The following DNAJC16 variants were observed in gnomAD, a reference collection of about 807,000 sequenced individuals.
DNAJC16 encodes dnaJ homolog subfamily C member 16.
In DNAJC16, 76 loss-of-function variants were observed where a neutral mutation model predicts 92.7. The ratio of observed to expected loss-of-function variants is 0.82; its 90% CI spans 0.68 to 0.99. DNAJC16 has a LOEUF of 0.99. Among genes scored for constraint, DNAJC16 ranks in the 50% least tolerant of loss-of-function variants. DNAJC16 has a pLI of 0.00. For missense variants in DNAJC16, 869 were observed against 942.4 expected (o/e 0.92, Z 1.02); for synonymous variants, 328 against 358.7 (o/e 0.91, Z 0.97).
chr1:15,538,489 A>T (rs1392100213), intron 4 of DNAJC16, among the ~76,000 whole-genome samples: 1 of 152,074 alleles, frequency 6.6e-6, no homozygotes, highest in African/African-American at 2.4e-5. Context: ...AGGCCAAGGC[A>T]GGCGGATCAC....
chr1:15,541,976 G>A (rs942534097), intron 4 of DNAJC16, among the ~76,000 whole-genome samples: 1 of 152,144 alleles, frequency 6.6e-6, no homozygotes, highest in African/African-American at 2.4e-5. Context: ...CAGGATGGGA[G>A]CATCTTTTGT....
Position 15,544,400 on chromosome 1 carries a change from T to A in DNAJC16, c.576T>A (p.Gly192=), listed in dbSNP as rs1192449972. ...KEVIQELEEL[G]VGIGVVHAGY... ...ATTTGGATCTTCCATTCTTTTCAGG[T>A]GTAGGAATTGGCGTGGTCCATGCTG... Residue 192 remains glycine (G), a splice_region_variant and synonymous_variant, in exon 5 of 15, where the codon GGT becomes GGA. Transcript: ENST00000375847. The A allele has an allele frequency of 6.2e-7, 1 of 1,608,076 alleles. No individual in the cohort carries two copies. The highest frequency in any genetic ancestry group is 1.3e-5 in the African/African-American group (1 of 74,824).
chr1:15,541,386 G>A (rs1710928228), intron 4 of DNAJC16, among the ~76,000 whole-genome samples: 1 of 152,130 alleles, frequency 6.6e-6, no homozygotes, highest in Non-Finnish European at 1.5e-5. Flanking sequence ...CTCTAGAGAA[G>A]AGCCAAGAAT....
intron 3 of DNAJC16, among the ~76,000 whole-genome samples, chr1:15,534,595 C>T (rs966209453): frequency 2.0e-5 from 3 of 152,134 alleles, no homozygotes; most frequent in South Asian, 2.1e-4. Context: ...CGTGGTGGCA[C>T]GTGCCTGTAA....
chr1:15,567,045 A>G, intron 13 of DNAJC16, 54 bp from the exon 14 acceptor site: 1 of 1,531,802 alleles, frequency 6.5e-7, no homozygotes. Context: ...TTTTCAAAGT[A>G]ACGGCTTTCC....
At chr1:15,567,737 T>A (rs779569394) in intron 14 of DNAJC16, 41 bp from the exon 15 acceptor site, 1 of 1,565,736 alleles carries the variant, frequency 6.4e-7, no homozygotes, top group South Asian at 1.2e-5. Context: ...ATTAAATGTG[T>A]CAGGAAATGC....
intron 4 of DNAJC16, among the ~76,000 whole-genome samples, chr1:15,540,463 A>T (rs1361208931): frequency 6.6e-6 from 1 of 152,114 alleles, no homozygotes; most frequent in Non-Finnish European, 1.5e-5. Flanking sequence ...ACTTTTTTTT[A>T]GACTCATCAC....
intron 5 of DNAJC16, among the ~76,000 whole-genome samples, chr1:15,546,505 A>G (rs567328308): frequency 6.6e-6 from 1 of 152,352 alleles, no homozygotes; most frequent in East Asian, 1.9e-4. Context: ...CCAACTCTGG[A>G]AGCTCAGTTT....
chr1:15,545,308 C>A (rs1205439533), intron 5 of DNAJC16, among the ~76,000 whole-genome samples: 1 of 152,064 alleles, frequency 6.6e-6, no homozygotes, highest in Admixed American at 6.5e-5. Flanking sequence ...ATGTGCTATT[C>A]CTAGACTGTC....
intron 7 of DNAJC16, among the ~76,000 whole-genome samples, chr1:15,552,373 C>T (rs888339981): frequency 6.6e-6 from 1 of 151,832 alleles, no homozygotes; most frequent in Non-Finnish European, 1.5e-5. Flanking sequence ...CCTGTAGTCC[C>T]AGCTATTCGG....
intron 8 of DNAJC16, among the ~76,000 whole-genome samples, chr1:15,561,463 T>A (rs1370984551): frequency 2.6e-5 from 4 of 152,102 alleles, no homozygotes; most frequent in Non-Finnish European, 5.9e-5. Context: ...GGCAGGCGGA[T>A]CACTTGAGGT....
intron 13 of DNAJC16, 192 bp downstream of exon 13, chr1:15,566,372 A>AG (rs1638808236): frequency 1.8e-6 from 1 of 567,560 alleles, no homozygotes; most frequent in Non-Finnish European, 3.1e-6. Flanking sequence ...TAGATGCCTT[A>AG]GATTTCATAA....
chr1:15,529,459 A>G (rs560792659), intron 2 of DNAJC16, among the ~76,000 whole-genome samples, 187 bp downstream of exon 2: 11 of 152,322 alleles, frequency 7.2e-5, no homozygotes, highest in Admixed American at 2.0e-4. Flanking sequence ...TCCAAAGCCT[A>G]TGTTTACTCT....
At chr1:15,564,572 G>C (rs546565577) in intron 11 of DNAJC16, among the ~76,000 whole-genome samples, 56 of 132,458 alleles carry the variant, frequency 4.2e-4, no homozygotes, top group Middle Eastern at 4.0e-3. Context: ...ACAAAGTCTT[G>C]CTCTTGTCCC....
intron 1 of DNAJC16, among the ~76,000 whole-genome samples, chr1:15,528,367 G>T (rs1291277472): frequency 6.6e-6 from 1 of 152,156 alleles, no homozygotes; most frequent in African/African-American, 2.4e-5. Context: ...CTGGGAGGGG[G>T]AGGTTGCAGT....
At chr1:15,547,096 T>G (rs1202021484) in intron 6 of DNAJC16, among the ~76,000 whole-genome samples, 1 of 151,948 alleles carries the variant, frequency 6.6e-6, no homozygotes, top group African/African-American at 2.4e-5. Context: ...TCTATGCACA[T>G]ATCATGTAAT....
At chr1:15,537,792 T>C (rs557420340) in intron 4 of DNAJC16, among the ~76,000 whole-genome samples, 1 of 152,348 alleles carries the variant, frequency 6.6e-6, no homozygotes, top group African/African-American at 2.4e-5. Context: ...GTTAAGGAAC[T>C]AATTCATTAT....
In DNAJC16 at chr1:15,568,360, T is replaced by A; in HGVS notation, c.*183T>A. 1.8e-6 allele frequency: 1 copy of A among 569,522 alleles called. No individual in the cohort carries two copies. The highest frequency in any genetic ancestry group is 1.9e-5 in the African/African-American group (1 of 53,408). The allele number at this position is 569,522 out of a possible 1,614,324, so 35.3% of individuals were successfully genotyped here. On this transcript the variant is annotated 3_prime_UTR_variant, in exon 15 of 15. Transcript: ENST00000375847. ...ACCTAGGAATGAAAAACACCACCAG[T>A]TTGAATCGCCTAGATGAAAATCTTT...
In DNAJC16 at chr1:15,570,017, G is replaced by A. The variant is rs1405786194; in HGVS notation, c.*1840G>A. ...TTGGATCCTGAATAATTTAAATCTT[G>A]AGCTACATTGGTAAGTAATAAATTA... is the stretch of plus-strand genomic sequence containing the variant. On this transcript the variant is annotated 3_prime_UTR_variant, in exon 15 of 15. Coordinates refer to ENST00000375847, the MANE Select transcript of DNAJC16 (RefSeq NM_015291.4). 6.6e-6 allele frequency: 1 copy of A among 152,512 alleles called. No individual in the cohort carries two copies. The highest frequency in any genetic ancestry group is 6.6e-5 in the Admixed American group (1 of 15,264). The allele number at this position is 152,512 out of a possible 1,614,324, so 9.4% of individuals were successfully genotyped here.
Sources: allele counts gnomAD v4.1 joint callset (sites outside exome capture counted in the v4.1 genomes callset), GRCh38; gene constraint gnomAD v4.1.1; transcripts MANE v1.5; gene names NCBI Gene and HGNC (gene_info 2026-07-23, HGNC 2026-07-21).